CSMD3: variants seen among roughly 807,000 people sequenced by gnomAD.
The protein encoded by CSMD3 is CUB and Sushi multiple domains 3.
Under a neutral mutation model 435.2 loss-of-function variants are expected in CSMD3, and 177 were observed. The observed-to-expected ratio is 0.41, with a 90% CI of 0.36 to 0.46. The LOEUF (loss-of-function observed/expected upper bound fraction) is 0.46, where lower values mean the gene tolerates loss of function less well. Among genes scored for constraint, CSMD3 ranks in the 20% least tolerant of loss-of-function variants. The pLI, the probability that CSMD3 is intolerant of heterozygous loss-of-function variation, is 0.34. For missense variants in CSMD3, 4,265 were observed against 4,504.6 expected (o/e 0.95, Z 1.52); for synonymous variants, 1,656 against 1,520.5 (o/e 1.09, Z -2.07).
At chr8:112,452,715 T>C (rs755215975) in intron 32 of CSMD3, among the ~76,000 whole-genome samples, 1 of 152,232 alleles carries the variant, frequency 6.6e-6, no homozygotes, top group African/African-American at 2.4e-5. Flanking sequence ...CTGTTGCTTA[T>C]TTAAATAATG....
chr8:112,538,440 T>A (rs546794849), intron 27 of CSMD3, among the ~76,000 whole-genome samples: 1 of 152,188 alleles, frequency 6.6e-6, no homozygotes, highest in African/African-American at 2.4e-5. Context: ...GATCTTATAT[T>A]TAGAGAAACC....
intron 35 of CSMD3, among the ~76,000 whole-genome samples, chr8:112,391,246 G>A (rs1830386975): frequency 6.6e-6 from 1 of 152,086 alleles, no homozygotes; most frequent in African/African-American, 2.4e-5. Context: ...TTTATATAGA[G>A]CCTACTATAT....
chr8:113,162,155 G>A (rs1564379926), intron 4 of CSMD3, among the ~76,000 whole-genome samples: 1 of 152,104 alleles, frequency 6.6e-6, no homozygotes, highest in Non-Finnish European at 1.5e-5. Context: ...TGATTGGGTG[G>A]TTGGTGGGAT....
At chr8:112,592,904 A>C (rs1563742699) in intron 22 of CSMD3, among the ~76,000 whole-genome samples, 1 of 152,258 alleles carries the variant, frequency 6.6e-6, no homozygotes, top group South Asian at 2.1e-4. Flanking sequence ...TGTAGTCTCT[A>C]GTATGATACA....
intron 1 of CSMD3, among the ~76,000 whole-genome samples, chr8:113,401,357 T>C (rs1563785581): frequency 6.6e-6 from 1 of 151,774 alleles, no homozygotes; most frequent in East Asian, 1.9e-4. Flanking sequence ...AAGTGTCCAG[T>C]ATTTATTTTT....
chr8:112,625,637 C>T (rs1467523047), intron 22 of CSMD3, among the ~76,000 whole-genome samples: 2 of 152,040 alleles, frequency 1.3e-5, no homozygotes, highest in African/African-American at 4.8e-5. Flanking sequence ...AGAAATGTTA[C>T]TTACACATTG....
intron 10 of CSMD3, among the ~76,000 whole-genome samples, chr8:112,867,288 C>T (rs1253010284): frequency 6.6e-6 from 1 of 152,054 alleles, no homozygotes; most frequent in Non-Finnish European, 1.5e-5. Flanking sequence ...TCTTACCATC[C>T]ATTCTTTGAA....
At chr8:112,373,559 G>A (rs1405076421) in intron 38 of CSMD3, among the ~76,000 whole-genome samples, 1 of 151,362 alleles carries the variant, frequency 6.6e-6, no homozygotes, top group Non-Finnish European at 1.5e-5. Context: ...TAAAAACACA[G>A]TTTTCTCTTC....
intron 7 of CSMD3, among the ~76,000 whole-genome samples, chr8:112,971,224 T>A (rs72682184): frequency 6.6e-6 from 1 of 152,198 alleles, no homozygotes; most frequent in South Asian, 2.1e-4. Context: ...TTCATTCTCA[T>A]GTACCTGCTA....
chr8:112,305,050 C>T (rs753547833), intron 51 of CSMD3, 135 bp from the exon 52 acceptor site: 4 of 718,900 alleles, frequency 5.6e-6, no homozygotes, highest in Non-Finnish European at 9.8e-6. Flanking sequence ...TTCTTTATTT[C>T]TTTTGCATGT....
chr8:112,306,204 T>A lies in CSMD3; in HGVS notation c.7886-12A>T. ...CCCACAGGAAATTGCTAGAAAAACA[T>A]ACACACAAGCAAAATCGTATAAACA... is the stretch of plus-strand genomic sequence containing the variant. On this transcript the variant is annotated splice_polypyrimidine_tract_variant and intron_variant, in intron 50 of 70. Coordinates refer to ENST00000297405, the MANE Select transcript of CSMD3 (RefSeq NM_198123.2). The A allele has an allele frequency of 6.2e-7, 1 of 1,605,998 alleles. No homozygotes were observed. Among genetic ancestry groups the A allele is most frequent in the Non-Finnish European group, 8.5e-7 (1 of 1,173,618 alleles).
At chr8:112,925,962 T>A (rs1370590903) in intron 9 of CSMD3, among the ~76,000 whole-genome samples, 3 of 152,206 alleles carry the variant, frequency 2.0e-5, no homozygotes, top group Admixed American at 1.3e-4. Flanking sequence ...TATAAGCCAT[T>A]AATTTCTTCC....
Position 112,517,220 on chromosome 8 carries a change from C to G in CSMD3, c.4570G>C (p.Val1524Leu), listed in dbSNP as rs767777118. ...SGFAIQFSSS[V>L]ATACRDPGVP... Reference sequence around the variant, plus strand: ...CCTGGGTCACGACACGCAGTGGCAACAGAACCTATCAAAAGACAGAGACAA... The same window carrying G: ...CCTGGGTCACGACACGCAGTGGCAAGAGAACCTATCAAAAGACAGAGACAA... Residue 1524 changes from valine to leucine, a missense_variant, in exon 28 of 71, where the codon GTT becomes CTT. This residue lies in a region of CSMD3 where 3,255 missense variants were observed against 3,380.2 expected (regional missense o/e 0.96). Transcript: ENST00000297405. The G allele has an allele frequency of 1.2e-6, 2 of 1,612,922 alleles. No individual in the cohort carries two copies. Among genetic ancestry groups the G allele is most frequent in the African/African-American group, 2.7e-5 (2 of 74,860 alleles).
chr8:112,351,119 T>TC (rs1453405961), intron 40 of CSMD3, 56 bp downstream of exon 40: 26 of 1,039,196 alleles, frequency 2.5e-5, no homozygotes, highest in South Asian at 3.9e-5. Flanking sequence ...TACTTTATAG[T>TC]CTTTTTTTTT....
rs367968078 is a variant in CSMD3 at position 112,242,232 on chromosome 8, G to C, written c.10403-447C>G. 2.6e-5 allele frequency among the ~76,000 whole-genome samples: 4 copies of C among 152,212 alleles called. No homozygotes were observed. In the East Asian group the frequency reaches 5.8e-4, roughly 22 times the overall value. ...TAAAGATGTCACCAGAAATTGGATA[G>C]ACTTAAAGGTGAAATCTTCCAGGTT... On this transcript the variant is annotated intron_variant, in intron 65 of 70. Transcript: ENST00000297405.
chr8:113,072,406 C>T (rs536909790), intron 5 of CSMD3, among the ~76,000 whole-genome samples: 8 of 151,466 alleles, frequency 5.3e-5, no homozygotes, highest in Admixed American at 2.6e-4. Context: ...TTTCATTTCC[C>T]CCATTGATTA....
intron 5 of CSMD3, among the ~76,000 whole-genome samples, chr8:113,080,210 C>T (rs561066611): frequency 2.0e-5 from 3 of 152,234 alleles, no homozygotes; most frequent in East Asian, 3.9e-4. Context: ...CTCAACTATA[C>T]ACATGGGAAG....
chr8:112,598,678 T>A (rs1170462027), intron 22 of CSMD3, among the ~76,000 whole-genome samples: 1 of 148,876 alleles, frequency 6.7e-6, no homozygotes, highest in Non-Finnish European at 1.5e-5. Context: ...GAGATATAGA[T>A]CAATGGAACA....
At chr8:112,956,671 C>A (rs2130843287) in intron 7 of CSMD3, among the ~76,000 whole-genome samples, 1 of 152,094 alleles carries the variant, frequency 6.6e-6, no homozygotes, top group African/African-American at 2.4e-5. Flanking sequence ...TCAAAGAGTT[C>A]AATGTTGTAA....
Sources: allele counts gnomAD v4.1 joint callset (sites outside exome capture counted in the v4.1 genomes callset), GRCh38; gene constraint gnomAD v4.1.1; regional missense constraint gnomAD v4.1.1; transcripts MANE v1.5; gene names NCBI Gene and HGNC (gene_info 2026-07-23, HGNC 2026-07-21).